C1QTNF3: variants seen among roughly 807,000 people sequenced by gnomAD.
C1QTNF3 encodes C1q and TNF related 3.
Under a neutral mutation model 32.6 loss-of-function variants are expected in C1QTNF3, and 26 were observed. The ratio of observed to expected loss-of-function variants is 0.80; its 90% CI spans 0.58 to 1.11. The LOEUF is 1.11. Ranked by LOEUF, C1QTNF3 falls within the 50% of genes least tolerant of loss-of-function variation. The pLI is 0.00. For missense variants in C1QTNF3, 362 were observed against 398.2 expected (o/e 0.91, Z 0.77); for synonymous variants, 155 against 146.0 (o/e 1.06, Z -0.44).
chr5:34,244,687 A>T, the C1QTNF3 span: 1 of 151,802 alleles, frequency 6.6e-6, no homozygotes, highest in Non-Finnish European at 1.5e-5. Context: ...TTCTCCAAGT[A>T]CCCACCGGAC....
the C1QTNF3 span, among the ~76,000 whole-genome samples, chr5:34,164,124 G>A: frequency 6.6e-6 from 1 of 152,086 alleles, no homozygotes; most frequent in Non-Finnish European, 1.5e-5. Flanking sequence ...GATTTGGGAG[G>A]CGAACATTAA....
At chr5:34,176,890 A>AAT in the C1QTNF3 span, among the ~76,000 whole-genome samples, 1 of 93,330 alleles carries the variant, frequency 1.1e-5, no homozygotes, top group Admixed American at 1.1e-4. Context: ...AATGAATGAA[A>AAT]AATGAAATTA....
chr5:34,085,615 A>C, the C1QTNF3 span, among the ~76,000 whole-genome samples: 2 of 151,590 alleles, frequency 1.3e-5, no homozygotes, highest in African/African-American at 4.9e-5. Context: ...AACCCCATCA[A>C]AAAGTAGGCA....
the C1QTNF3 span, among the ~76,000 whole-genome samples, chr5:34,140,277 G>A: frequency 7.9e-5 from 12 of 152,170 alleles, no homozygotes; most frequent in Non-Finnish European, 1.2e-4. Context: ...TGGGAGATGC[G>A]TGTGCTTCCA....
the C1QTNF3 span, chr5:34,167,506 T>A: frequency 6.6e-6 from 1 of 152,228 alleles, no homozygotes; most frequent in Non-Finnish European, 1.5e-5. Flanking sequence ...TCACTGCATA[T>A]GCATTAACAG....
chr5:34,053,852 T>C, the C1QTNF3 span, among the ~76,000 whole-genome samples: 9 of 152,142 alleles, frequency 5.9e-5, no homozygotes, highest in South Asian at 8.3e-4. Context: ...GGTGACATAT[T>C]GTGTATCTAG....
chr5:34,117,051 C>T, the C1QTNF3 span, among the ~76,000 whole-genome samples: 1 of 151,918 alleles, frequency 6.6e-6, no homozygotes, highest in Non-Finnish European at 1.5e-5. Flanking sequence ...TTCATTGAAA[C>T]TCATAATCTT....
At chr5:34,224,353 A>T in the C1QTNF3 span, among the ~76,000 whole-genome samples, 1 of 152,204 alleles carries the variant, frequency 6.6e-6, no homozygotes, top group African/African-American at 2.4e-5. Flanking sequence ...AGTCAATCCT[A>T]AGCCAAAAGA....
upstream of C1QTNF3, among the ~76,000 whole-genome samples, chr5:34,046,726 G>T (rs1037164856): frequency 2.6e-5 from 4 of 152,142 alleles, no homozygotes; most frequent in African/African-American, 9.7e-5. Flanking sequence ...CAAATAGGGA[G>T]AACATGTATG....
chr5:34,035,738 T>A lies in C1QTNF3; in HGVS notation c.324A>T (p.Leu108=), dbSNP rs150297426. 16 of 1,612,970 alleles carry A rather than the reference T, an allele frequency of 9.9e-6. No individual in the cohort carries two copies. The African/African-American group carries it at 2.1e-4, about 22-fold the overall frequency. The stretch of plus-strand genomic sequence containing the variant: ...GACAACACTTACTGCAGTCTGGGGG[T>A]AGTCCTCCGGTTTGTGGAGACTAAA... ...FWGQSPQTGG[L]PPDCSKCCHG... is the part of the protein sequence containing the mutation. The change falls in exon 2 of 6, where the codon CTA becomes CTT. Residue 108 remains leucine (L), a synonymous_variant. Coordinates refer to ENST00000382065, the MANE Select transcript of C1QTNF3 (RefSeq NM_181435.6).
At chr5:34,160,492 C>T in the C1QTNF3 span, among the ~76,000 whole-genome samples, 1 of 152,230 alleles carries the variant, frequency 6.6e-6, no homozygotes, top group African/African-American at 2.4e-5. Context: ...TCTAATTGGA[C>T]TACGAGGGAG....
rs1355398003 is a variant in C1QTNF3, at chr5:34,033,349, G to T, written c.525C>A (p.Gly175=). The change falls in exon 3 of 6, where the codon GGC becomes GGA. Residue 175 remains glycine (G), a synonymous_variant. Transcript: ENST00000382065. ...LGPRGERGQH[G]PKGEKGYPGI... Reference sequence around the variant, plus strand: ...CCGGGTAGCCCTTCTCTCCTTTGGGGCCATGCTGCCCCCGCTCCCCTCGAG... The same window carrying T: ...CCGGGTAGCCCTTCTCTCCTTTGGGTCCATGCTGCCCCCGCTCCCCTCGAG... The T allele has an allele frequency of 6.2e-7, 1 of 1,613,806 alleles. No homozygotes were observed. Among genetic ancestry groups the T allele is most frequent in the Non-Finnish European group, 8.5e-7 (1 of 1,179,906 alleles).
the C1QTNF3 span, among the ~76,000 whole-genome samples, chr5:34,126,654 G>A: frequency 1.4e-4 from 20 of 148,044 alleles, no homozygotes; most frequent in African/African-American, 4.9e-4. Context: ...TTCAGATATT[G>A]AAGTATCATT....
At chr5:34,083,116 T>G in the C1QTNF3 span, among the ~76,000 whole-genome samples, 1 of 151,198 alleles carries the variant, frequency 6.6e-6, no homozygotes, top group Non-Finnish European at 1.5e-5. Context: ...ATTTTTTAAA[T>G]GACTATAGAA....
the C1QTNF3 span, among the ~76,000 whole-genome samples, chr5:34,067,732 A>G: frequency 6.6e-6 from 1 of 152,206 alleles, no homozygotes; most frequent in African/African-American, 2.4e-5. Flanking sequence ...TTCTTCAAAC[A>G]TCTAGTCCAA....
the C1QTNF3 span, among the ~76,000 whole-genome samples, chr5:34,062,203 T>TCTA: frequency 6.6e-6 from 1 of 152,220 alleles, no homozygotes; most frequent in South Asian, 2.1e-4. Flanking sequence ...AGAGCTGGGC[T>TCTA]GGGTTCCTGA....
At chr5:34,103,282 G>T in the C1QTNF3 span, among the ~76,000 whole-genome samples, 13 of 150,876 alleles carry the variant, frequency 8.6e-5, no homozygotes, top group East Asian at 1.4e-3. Context: ...ATTTGTGTGT[G>T]TTTTTTTTTA....
At chr5:34,082,158 A>T in the C1QTNF3 span, among the ~76,000 whole-genome samples, 2 of 151,642 alleles carry the variant, frequency 1.3e-5, no homozygotes, top group Non-Finnish European at 2.9e-5. Context: ...GAAATAGCAG[A>T]TATAAATGAG....
chr5:34,089,429 G>C, the C1QTNF3 span, among the ~76,000 whole-genome samples: 1 of 152,122 alleles, frequency 6.6e-6, no homozygotes, highest in Non-Finnish European at 1.5e-5. Context: ...TAAATGGTAT[G>C]AATGGAATTG....
Sources: gnomAD v4.1 joint callset for allele counts (sites outside exome capture counted in the v4.1 genomes callset) on GRCh38, gnomAD v4.1.1 for gene constraint, MANE v1.5 for transcripts, NCBI Gene and HGNC (gene_info 2026-07-23, HGNC 2026-07-21) for gene names.